AP3D1: variants seen among roughly 807,000 people sequenced by gnomAD.
AP3D1 encodes adaptor related protein complex 3 subunit delta 1.
Under a neutral mutation model 147.6 loss-of-function variants are expected in AP3D1, and 51 were observed. The observed-to-expected ratio is 0.35, with a 90% confidence interval of 0.28 to 0.44. The LOEUF (loss-of-function observed/expected upper bound fraction) is 0.44. Ranked by LOEUF, AP3D1 falls within the 20% of genes least tolerant of loss-of-function variation. The probability of loss-of-function intolerance (pLI) is 1.00; values close to 1 mark genes in which losing one functional copy is unlikely to be tolerated. For missense variants in AP3D1, 1,421 were observed against 1,624.2 expected (o/e 0.87, Z 2.15); for synonymous variants, 760 against 663.0 (o/e 1.15, Z -2.25).
chr19:2,155,967 G>A (rs573727197), upstream of AP3D1, among the ~76,000 whole-genome samples: 1 of 151,370 alleles, frequency 6.6e-6, no homozygotes, highest in East Asian at 2.0e-4. Flanking sequence ...GCAGGAGAAT[G>A]GCGTGTACCC....
At chr19:2,160,345 A>G (rs917434480) in intron 1 of AP3D1, among the ~76,000 whole-genome samples, 1 of 151,842 alleles carries the variant, frequency 6.6e-6, no homozygotes, top group Non-Finnish European at 1.5e-5. Flanking sequence ...CCTAGCCAAC[A>G]TGGTGAAACC....
At chr19:2,113,455 G>A (rs1395968865) in intron 22 of AP3D1, 42 bp from the exon 23 acceptor site, 2 of 1,255,330 alleles carry the variant, frequency 1.6e-6, no homozygotes, top group African/African-American at 1.6e-5. Flanking sequence ...CAGTGCAATG[G>A]TCCTGGGAAG....
chr19:2,128,507 G>A (rs371516677), intron 8 of AP3D1, among the ~76,000 whole-genome samples: 252 of 71,116 alleles, frequency 3.5e-3, no homozygotes, highest in South Asian at 0.017. Context: ...GAGCCGGCCC[G>A]CCCCACAGCT....
intron 31 of AP3D1, among the ~76,000 whole-genome samples, chr19:2,106,519 C>G (rs2018114143): frequency 6.6e-6 from 1 of 151,942 alleles, no homozygotes; most frequent in Non-Finnish European, 1.5e-5. Context: ...TGTACTCTAG[C>G]CTGGGTAACA....
chr19:2,129,316 G>A lies in AP3D1; in HGVS notation c.732+2C>T, dbSNP rs766973176. The A allele has an allele frequency of 1.9e-6, 3 of 1,613,830 alleles. No homozygotes were observed. The highest frequency in any genetic ancestry group is 2.7e-5 in the African/African-American group (2 of 74,932). On this transcript the variant is annotated splice_donor_variant, in intron 7 of 31. Coordinates refer to ENST00000643116, the MANE Select transcript of AP3D1 (RefSeq NM_001261826.3). LOFTEE classifies it low-confidence loss of function (GC_TO_GT_DONOR). ...GAGGCCACATTCCCGGGCAGTACTTGCCAGCTTGATGATCTTGATGAGGAC... is the reference window on the plus strand; with the variant it reads ...GAGGCCACATTCCCGGGCAGTACTTACCAGCTTGATGATCTTGATGAGGAC...
chr19:2,155,896 CA>C (rs2019641333), upstream of AP3D1, among the ~76,000 whole-genome samples: 1 of 151,312 alleles, frequency 6.6e-6, no homozygotes, highest in African/African-American at 2.4e-5. Context: ...ACTAAAAATA[CA>C]AAAAAATTAG....
chr19:2,122,859 C>T (rs1311262436), intron 11 of AP3D1, among the ~76,000 whole-genome samples: 8 of 152,200 alleles, frequency 5.3e-5, no homozygotes, highest in African/African-American at 1.4e-4. Context: ...TCCAAAACAC[C>T]GCCCAGGTAC....
rs778908767 is a variant in AP3D1 at position 2,116,692 on chromosome 19, G to C, written c.1914C>G (p.Asp638Glu). 4 of 1,610,766 alleles carry C rather than the reference G, an allele frequency of 2.5e-6. No homozygotes were observed. The highest frequency in any genetic ancestry group is 1.3e-5 in the African/African-American group (1 of 75,026). Residue 638 changes from aspartate (D) to glutamate (E), a missense_variant, in exon 17 of 32, where the codon GAC (aspartate) becomes GAG (glutamate). Physicochemically the swap from Asp to Glu is conservative, Grantham distance 45 (BLOSUM62 2). Coordinates refer to ENST00000643116, the MANE Select transcript of AP3D1 (RefSeq NM_001261826.3). ...CGTGGAAGACGGCCCTGGGCCTCTC[G>C]TCCTCTGACTCGCTGTCCGAGAGTG... Reference protein sequence around the residue: ...NEPLSDSESEDERPRAVFHEE... With the variant: ...NEPLSDSESEEERPRAVFHEE...
Position 2,129,423 on chromosome 19 carries a change from C to G in AP3D1, c.627G>C (p.Glu209Asp), listed in dbSNP as rs1223237025. 6.2e-7 allele frequency: 1 copy of G among 1,613,976 alleles called. No individual in the cohort carries two copies. Among genetic ancestry groups the G allele is most frequent in the Non-Finnish European group, 8.5e-7 (1 of 1,179,986 alleles). ...VQSAAVNVIC[E>D]LARRNPKNYL... ...AGTTCTTAGGGTTGCGTCTGGCCAG[C>G]TCGCAGATGACATTGACGGCAGCCG... is the stretch of plus-strand genomic sequence containing the variant. The change falls in exon 7 of 32, where the codon GAG becomes GAC. Residue 209 changes from glutamate to aspartate, a missense_variant. This residue lies in a region of AP3D1 where 292 missense variants were observed against 412.0 expected (regional missense o/e 0.71). Coordinates refer to ENST00000643116, the MANE Select transcript of AP3D1 (RefSeq NM_001261826.3).
intron 25 of AP3D1, 157 bp from the exon 26 acceptor site, chr19:2,111,489 G>C: frequency 8.2e-7 from 1 of 1,219,816 alleles, no homozygotes; most frequent in African/African-American, 1.5e-5. Flanking sequence ...CGGCTCCCAG[G>C]ACCACACAGC....
chr19:2,115,074 A>G, intron 20 of AP3D1, 145 bp downstream of exon 20: 1 of 897,858 alleles, frequency 1.1e-6, no homozygotes, highest in Non-Finnish European at 1.7e-6. Flanking sequence ...GAGGACAGAG[A>G]GGCCTCTCCT....
rs1224962457 is a variant in AP3D1 at position 2,129,304 on chromosome 19, C to T, written c.732+14G>A. On this transcript the variant is annotated intron_variant, in intron 7 of 31. Transcript: ENST00000643116. ...ACACAGGGTGAGGAGGCCACATTCC[C>T]GGGCAGTACTTGCCAGCTTGATGAT... 3.1e-6 allele frequency: 5 copies of T among 1,613,870 alleles called. No individual in the cohort carries two copies. The highest frequency in any genetic ancestry group is 2.7e-5 in the African/African-American group (2 of 75,044).
Position 2,111,575 on chromosome 19 carries a change from GA to G in AP3D1, c.2937+103del. 5.6e-6 allele frequency: 8 copies of G among 1,416,476 alleles called. No individual in the cohort carries two copies. The South Asian group carries it at 1.1e-4, about 19-fold the overall frequency. The allele number at this position is 1,416,476 out of a possible 1,614,324, so 87.7% of individuals were successfully genotyped here. A position where few individuals can be genotyped will look rare whatever the true frequency, so the allele number is the denominator to read the frequency against. On this transcript the variant is annotated intron_variant, in intron 25 of 31. Transcript: ENST00000643116. ...CCCCCGCCAGGCTCGGCTTCTTCTC[GA>G]ATCTGCTCAGTTCTCTCCCGCATGG... is the stretch of plus-strand genomic sequence containing the variant.
intron 21 of AP3D1, among the ~76,000 whole-genome samples, 164 bp from the exon 22 acceptor site, chr19:2,114,466 C>G (rs11673600): frequency 6.6e-6 from 1 of 152,116 alleles, no homozygotes; most frequent in Non-Finnish European, 1.5e-5. Context: ...CTGCTGGAGG[C>G]TCTCATGGGA....
Position 2,136,894 on chromosome 19 carries a change from G to C in AP3D1, c.354+117C>G, listed in dbSNP as rs558182793. ...GACTGTGGCTCCGGAAGCCCCGCTC[G>C]CACTCAAGGGGGCCACAGGCACCTG... On this transcript the variant is annotated intron_variant, in intron 4 of 31. Transcript: ENST00000643116. 1.1e-4 allele frequency: 105 copies of C among 948,620 alleles called. No homozygotes were observed. In the South Asian group the frequency reaches 1.2e-3, roughly 11 times the overall value. The allele number at this position is 948,620 out of a possible 1,614,324, so 58.8% of individuals were successfully genotyped here. A position where few individuals can be genotyped will look rare whatever the true frequency, so the allele number is the denominator to read the frequency against.
intron 1 of AP3D1, 89 bp downstream of exon 1, chr19:2,151,150 C>A: frequency 7.9e-7 from 1 of 1,267,162 alleles, no homozygotes; most frequent in Non-Finnish European, 1.1e-6. Context: ...CCCGGGCGGG[C>A]GGCAGGCCGA....
chr19:2,123,854 C>A lies in AP3D1; in HGVS notation c.882G>T (p.Met294Ile). ...IAVLISLSSG[M>I]PNHSASIQLC... ...CCTGGATGCTGGCGCTGTGGTTGGG[C>A]ATGCCGGAGGACAGCGAGATGAGCA... The change falls in exon 10 of 32, where the codon ATG (methionine) becomes ATT (isoleucine). Residue 294 changes from methionine (M) to isoleucine (I), a missense_variant. Physicochemically the swap from Met to Ile is conservative, Grantham distance 10. Transcript: ENST00000643116. 6.3e-7 allele frequency: 1 copy of A among 1,578,712 alleles called. No individual in the cohort carries two copies. The highest frequency in any genetic ancestry group is 8.6e-7 in the Non-Finnish European group (1 of 1,162,470).
intron 1 of AP3D1, among the ~76,000 whole-genome samples, chr19:2,163,668 C>G (rs900659545): frequency 1.3e-5 from 2 of 152,082 alleles, no homozygotes; most frequent in African/African-American, 2.4e-5. Context: ...TTCGAACCCG[C>G]TATCCGACGG....
At chr19:2,146,277 A>T (rs1599495229) in intron 1 of AP3D1, among the ~76,000 whole-genome samples, 1 of 152,226 alleles carries the variant, frequency 6.6e-6, no homozygotes, top group East Asian at 1.9e-4. Context: ...CAAGGAAATT[A>T]AACTTACAGA....
Sources: allele counts gnomAD v4.1 joint callset (sites outside exome capture counted in the v4.1 genomes callset), GRCh38; gene constraint gnomAD v4.1.1; regional missense constraint gnomAD v4.1.1; transcripts MANE v1.5; gene names NCBI Gene and HGNC (gene_info 2026-07-23, HGNC 2026-07-21).